PRKAG2: variants seen among roughly 807,000 people sequenced by gnomAD.
PRKAG2 encodes the protein protein kinase AMP-activated non-catalytic subunit gamma 2.
A neutral mutation model predicts 69.6 loss-of-function variants in PRKAG2; 26 were observed. That is an observed-to-expected ratio of 0.37 (90% CI 0.27 to 0.52). The LOEUF is 0.52. Among genes scored for constraint, PRKAG2 ranks in the 20% least tolerant of loss-of-function variants. The probability of loss-of-function intolerance (pLI) is 0.90; values close to 1 mark genes in which losing one functional copy is unlikely to be tolerated. For missense variants in PRKAG2, 557 were observed against 740.0 expected, an observed-to-expected ratio of 0.75 and a Z score of 2.87; for synonymous variants, 293 against 285.0, an observed-to-expected ratio of 1.03 and a Z score of -0.28.
At chr7:151,613,824 G>C (rs1434315774) in intron 5 of PRKAG2, among the ~76,000 whole-genome samples, 1 of 135,618 alleles carries the variant, frequency 7.4e-6, no homozygotes, top group African/African-American at 2.8e-5. Context: ...TTTTTTTTGA[G>C]ATGGAGTCTC....
intron 4 of PRKAG2, among the ~76,000 whole-genome samples, chr7:151,643,339 A>G (rs1300732856): frequency 2.0e-5 from 3 of 152,354 alleles, no homozygotes; most frequent in Admixed American, 2.0e-4. Flanking sequence ...AATGCAATGT[A>G]CAGAATGATA....
At chr7:151,803,010 C>T (rs998018276) in intron 1 of PRKAG2, among the ~76,000 whole-genome samples, 23 of 151,118 alleles carry the variant, frequency 1.5e-4, no homozygotes, top group African/African-American at 3.9e-4. Context: ...CAGGCTGGAG[C>T]GCAGTGGTGT....
chr7:151,872,106 C>T (rs887499047), intron 1 of PRKAG2, among the ~76,000 whole-genome samples: 1 of 152,190 alleles, frequency 6.6e-6, no homozygotes, highest in African/African-American at 2.4e-5. Flanking sequence ...GAGACACACC[C>T]GGGCTATGAC....
At chr7:151,558,224 T>C in intron 15 of PRKAG2, 2 of 985,454 alleles carry the variant, frequency 2.0e-6, no homozygotes, top group Non-Finnish European at 2.4e-6. Context: ...GTTGAACCAG[T>C]ACCCCTCTGG....
At chr7:151,716,107 C>G (rs1410340941) in intron 3 of PRKAG2, among the ~76,000 whole-genome samples, 2 of 152,118 alleles carry the variant, frequency 1.3e-5, no homozygotes, top group Non-Finnish European at 2.9e-5. Context: ...GCTCTTTTCT[C>G]TTTGATAAGT....
chr7:151,783,385 G>C (rs2076830052), intron 2 of PRKAG2, among the ~76,000 whole-genome samples: 1 of 152,152 alleles, frequency 6.6e-6, no homozygotes, highest in South Asian at 2.1e-4. Flanking sequence ...TGTCGCTCAA[G>C]GCTGCAGTGC....
chr7:151,812,742 C>T (rs2078484293), intron 1 of PRKAG2, among the ~76,000 whole-genome samples: 1 of 152,212 alleles, frequency 6.6e-6, no homozygotes, highest in South Asian at 2.1e-4. Flanking sequence ...ACCACCCACC[C>T]CACTCCCAGC....
chr7:151,688,917 AG>A (rs1328823307), intron 3 of PRKAG2, among the ~76,000 whole-genome samples: 1 of 152,094 alleles, frequency 6.6e-6, no homozygotes, highest in Non-Finnish European at 1.5e-5. Context: ...CCTCTCCTCC[AG>A]GGTGGCCGGC....
chr7:151,723,379 T>C (rs1563524975), intron 3 of PRKAG2, among the ~76,000 whole-genome samples: 1 of 152,200 alleles, frequency 6.6e-6, no homozygotes, highest in African/African-American at 2.4e-5. Context: ...GCATTCGAGC[T>C]AGACTTTTGT....
chr7:151,681,562 TAG>T (rs1476789689), intron 3 of PRKAG2, among the ~76,000 whole-genome samples: 2 of 151,692 alleles, frequency 1.3e-5, no homozygotes, highest in Non-Finnish European at 2.9e-5. Context: ...TAAGAGGGGG[TAG>T]AGTCTTGCAG....
chr7:151,703,119 T>C (rs952243924), intron 3 of PRKAG2, among the ~76,000 whole-genome samples: 50 of 152,300 alleles, frequency 3.3e-4, no homozygotes, highest in African/African-American at 1.1e-3. Flanking sequence ...GCCTCTCACA[T>C]TGCCTGCTGC....
intron 4 of PRKAG2, among the ~76,000 whole-genome samples, chr7:151,646,466 T>G (rs1188522244): frequency 6.6e-6 from 1 of 152,248 alleles, no homozygotes; most frequent in Non-Finnish European, 1.5e-5. Flanking sequence ...TAAAATTTCA[T>G]TTCCCAATTG....
chr7:151,822,730 T>C (rs2078816987), intron 1 of PRKAG2, among the ~76,000 whole-genome samples: 1 of 152,104 alleles, frequency 6.6e-6, no homozygotes, highest in African/African-American at 2.4e-5. Flanking sequence ...GCAATGGCCT[T>C]GGCTGTGTGG....
chr7:151,870,758 G>A (rs1050334338), intron 1 of PRKAG2, among the ~76,000 whole-genome samples: 4 of 152,248 alleles, frequency 2.6e-5, no homozygotes, highest in African/African-American at 9.6e-5. Context: ...AGCTCGGAGG[G>A]TGCGTGGCCT....
intron 2 of PRKAG2, among the ~76,000 whole-genome samples, chr7:151,785,684 C>T (rs1202945948): frequency 2.0e-5 from 3 of 152,234 alleles, no homozygotes; most frequent in Non-Finnish European, 4.4e-5. Flanking sequence ...TCTGCTGTCA[C>T]CTGCCGGAGG....
chr7:151,637,000 T>G (rs909371343), intron 4 of PRKAG2, among the ~76,000 whole-genome samples: 1 of 152,188 alleles, frequency 6.6e-6, no homozygotes, highest in Non-Finnish European at 1.5e-5. Context: ...CCACCACACC[T>G]GGCCTCTCTA....
chr7:151,816,146 T>C (rs778090109), intron 1 of PRKAG2, among the ~76,000 whole-genome samples: 5 of 151,946 alleles, frequency 3.3e-5, no homozygotes, highest in South Asian at 2.1e-4. Flanking sequence ...TCTGTAGGGG[T>C]TGGAAGTCCG....
At chr7:151,648,552 C>T (rs1827940517) in intron 4 of PRKAG2, among the ~76,000 whole-genome samples, 1 of 152,140 alleles carries the variant, frequency 6.6e-6, no homozygotes, top group South Asian at 2.1e-4. Context: ...ATTTAACAAG[C>T]AGCCCTAGTA....
chr7:151,728,538 C>T (rs974007508), intron 3 of PRKAG2, among the ~76,000 whole-genome samples: 3 of 152,126 alleles, frequency 2.0e-5, no homozygotes, highest in Non-Finnish European at 2.9e-5. Context: ...TCTCTGTCAC[C>T]GTCCAGAGTC....
Sources: allele counts gnomAD v4.1 joint callset (sites outside exome capture counted in the v4.1 genomes callset), GRCh38; gene constraint gnomAD v4.1.1; transcripts MANE v1.5; gene names NCBI Gene and HGNC (gene_info 2026-07-23, HGNC 2026-07-21).